SEMA3A: variants seen among roughly 807,000 people sequenced by gnomAD.
SEMA3A encodes semaphorin 3A, also known as semaphorin-3A.
Under a neutral mutation model 97.9 loss-of-function variants are expected in SEMA3A, and 29 were observed. The ratio of observed to expected loss-of-function variants is 0.30; its 90% CI spans 0.22 to 0.40. The LOEUF is 0.40. SEMA3A is among the 10% of genes least tolerant of loss of function. SEMA3A has a pLI of 1.00. For missense variants in SEMA3A, 763 were observed against 951.3 expected (o/e 0.80, Z 2.60); for synonymous variants, 321 against 323.7 (o/e 0.99, Z 0.09).
chr7:84,234,405 G>GT (rs1160282201), intron 3 of SEMA3A, among the ~76,000 whole-genome samples: 1 of 152,022 alleles, frequency 6.6e-6, no homozygotes, highest in Non-Finnish European at 1.5e-5. Flanking sequence ...TCATTTATCA[G>GT]TAACTTTTCT....
At chr7:84,279,944 C>G (rs1332712122) in intron 3 of SEMA3A, among the ~76,000 whole-genome samples, 1 of 152,116 alleles carries the variant, frequency 6.6e-6, no homozygotes, top group Admixed American at 6.6e-5. Context: ...GTTGCTCAGG[C>G]TAGAGTGCAG....
At chr7:84,183,313 A>C (rs1797784590) in intron 1 of SEMA3A, among the ~76,000 whole-genome samples, 1 of 152,102 alleles carries the variant, frequency 6.6e-6, no homozygotes, top group East Asian at 1.9e-4. Context: ...TTTTTTTTTC[A>C]GTAGCTATGA....
At chr7:84,266,323 A>G (rs1014583506) in intron 3 of SEMA3A, among the ~76,000 whole-genome samples, 15 of 151,190 alleles carry the variant, frequency 9.9e-5, no homozygotes, top group African/African-American at 3.6e-4. Context: ...CAAAAAAAAA[A>G]AAAAAAAAAA....
At chr7:84,124,757 A>G (rs779001638) in intron 3 of SEMA3A, among the ~76,000 whole-genome samples, 1 of 152,150 alleles carries the variant, frequency 6.6e-6, no homozygotes, top group African/African-American at 2.4e-5. Flanking sequence ...AAAATCATAT[A>G]TTAAGAAAGA....
At chr7:84,077,334 T>C (rs1793989822) in intron 4 of SEMA3A, among the ~76,000 whole-genome samples, 1 of 152,116 alleles carries the variant, frequency 6.6e-6, no homozygotes, top group Non-Finnish European at 1.5e-5. Flanking sequence ...TAGTTCCAAA[T>C]TGTGAAAGTA....
At chr7:84,044,869 T>G (rs1792287011) in intron 6 of SEMA3A, among the ~76,000 whole-genome samples, 1 of 151,982 alleles carries the variant, frequency 6.6e-6, no homozygotes, top group African/African-American at 2.4e-5. Flanking sequence ...ATTGGCTAAA[T>G]TAACCAAAGA....
intron 1 of SEMA3A, among the ~76,000 whole-genome samples, chr7:84,187,669 AT>A (rs962923866): frequency 6.6e-6 from 1 of 152,096 alleles, no homozygotes; most frequent in African/African-American, 2.4e-5. Context: ...TCTACTATAT[AT>A]TATAATGCAC....
chr7:84,143,811 G>GA (rs1796372274), intron 1 of SEMA3A, among the ~76,000 whole-genome samples: 2 of 146,556 alleles, frequency 1.4e-5, no homozygotes, highest in African/African-American at 5.0e-5. Context: ...AAAAAAAAAA[G>GA]AAAAGAAAAA....
chr7:84,060,505 A>G lies in SEMA3A; in HGVS notation c.507T>C (p.Ser169=), dbSNP rs779717728. 6.3e-7 allele frequency: 1 copy of G among 1,594,788 alleles called. No homozygotes were observed. The highest frequency in any genetic ancestry group is 1.1e-5 in the South Asian group (1 of 86,958). The part of the protein sequence containing the change: ...NSHFENGRGK[S]PYDPKLLTAS... Reference sequence around the variant, plus strand: ...CTGTCAGCAGCTTAGGGTCATATGGACTCTTCCCACGGCCGTTTTCAAAAT... The same window carrying G: ...CTGTCAGCAGCTTAGGGTCATATGGGCTCTTCCCACGGCCGTTTTCAAAAT... The change falls in exon 5 of 17, where the codon AGT becomes AGC. Residue 169 remains serine (S), a synonymous_variant. Transcript: ENST00000265362.
intron 3 of SEMA3A, among the ~76,000 whole-genome samples, chr7:84,249,058 G>A (rs1055263142): frequency 1.8e-4 from 28 of 152,250 alleles, no homozygotes; most frequent in Admixed American, 3.9e-4. Flanking sequence ...TCAACTTTTC[G>A]CTTCCCTGTT....
At chr7:84,108,112 CT>C (rs1795162505) in intron 4 of SEMA3A, among the ~76,000 whole-genome samples, 1 of 152,040 alleles carries the variant, frequency 6.6e-6, no homozygotes, top group Non-Finnish European at 1.5e-5. Context: ...TATTAATTGA[CT>C]TTTTTCAGCC....
intron 4 of SEMA3A, among the ~76,000 whole-genome samples, chr7:84,066,479 T>C (rs1793503480): frequency 6.9e-6 from 1 of 145,380 alleles, no homozygotes; most frequent in African/African-American, 2.6e-5. Flanking sequence ...GGAAGTCAAA[T>C]TGTCCCTGTT....
chr7:84,481,668 T>A (rs1806448948), intron 1 of SEMA3A, among the ~76,000 whole-genome samples: 1 of 152,152 alleles, frequency 6.6e-6, no homozygotes, highest in Non-Finnish European at 1.5e-5. Context: ...AAGTTCACTC[T>A]TTTCAGCTAA....
rs113384109 is a variant in SEMA3A, at chr7:84,193,974, C to T, written c.112+501G>A. Reference sequence around the variant, plus strand: ...TCCAGTTTATGTTCTCTTGGCAAACCATGATCTACTGCTTATGTTAAGCAT... The same window carrying T: ...TCCAGTTTATGTTCTCTTGGCAAACTATGATCTACTGCTTATGTTAAGCAT... On this transcript the variant is annotated intron_variant, in intron 1 of 16. Coordinates refer to ENST00000265362, the MANE Select transcript of SEMA3A (RefSeq NM_006080.3). Among the ~76,000 whole-genome samples the T allele has an allele frequency of 1.5e-3, 235 of 152,208 alleles. 2 individuals are homozygous for T. The East Asian group carries it at 0.023, about 15-fold the overall frequency.
chr7:84,095,153 G>GTA (rs1794719009), intron 4 of SEMA3A, among the ~76,000 whole-genome samples: 1 of 145,796 alleles, frequency 6.9e-6, no homozygotes, highest in Admixed American at 6.9e-5. Flanking sequence ...ATTATATATT[G>GTA]TATATATATT....
intron 3 of SEMA3A, among the ~76,000 whole-genome samples, chr7:84,128,419 G>A (rs565824839): frequency 3.9e-5 from 6 of 152,070 alleles, no homozygotes; most frequent in Non-Finnish European, 8.8e-5. Flanking sequence ...AAGAATTCAA[G>A]GGGAATTAAC....
intron 3 of SEMA3A, among the ~76,000 whole-genome samples, chr7:84,280,587 C>T (rs559084315): frequency 1.3e-5 from 2 of 151,982 alleles, no homozygotes; most frequent in Non-Finnish European, 2.9e-5. Context: ...AGTTCAAGAC[C>T]AGCCTGGCCA....
At chr7:84,474,937 T>C (rs532236574) in intron 1 of SEMA3A, among the ~76,000 whole-genome samples, 2 of 151,984 alleles carry the variant, frequency 1.3e-5, no homozygotes, top group Admixed American at 6.6e-5. Flanking sequence ...AGAGAAACTA[T>C]AAAGAGAGAA....
chr7:84,475,061 T>G (rs2116418779), intron 1 of SEMA3A, among the ~76,000 whole-genome samples: 1 of 152,134 alleles, frequency 6.6e-6, no homozygotes, highest in South Asian at 2.1e-4. Context: ...GGCACCAGAG[T>G]TCTTGCTCCC....
Sources: gnomAD v4.1 joint callset for allele counts (sites outside exome capture counted in the v4.1 genomes callset) on GRCh38, gnomAD v4.1.1 for gene constraint, MANE v1.5 for transcripts, NCBI Gene and HGNC (gene_info 2026-07-23, HGNC 2026-07-21) for gene names.